The following PCDH9 variants were observed in gnomAD, a reference collection of about 807,000 sequenced individuals.
PCDH9 encodes the protein protocadherin 9, also known as protocadherin-9.
Under a neutral mutation model 70.6 loss-of-function variants are expected in PCDH9, and 24 were observed. The ratio of observed to expected loss-of-function variants is 0.34; its 90% CI spans 0.25 to 0.48. The LOEUF is 0.48. Among genes scored for constraint, PCDH9 ranks in the 20% least tolerant of loss-of-function variants. PCDH9 has a pLI of 0.99. For missense variants in PCDH9, 1,281 were observed against 1,503.6 expected, an observed-to-expected ratio of 0.85 and a Z score of 2.45; for synonymous variants, 562 against 558.5, an observed-to-expected ratio of 1.01 and a Z score of -0.09.
chr13:66,471,965 C>T (rs2138483848), intron 4 of PCDH9, among the ~76,000 whole-genome samples: 1 of 152,154 alleles, frequency 6.6e-6, no homozygotes, highest in East Asian at 1.9e-4. Context: ...AAACCTAGCA[C>T]TTTGGGAGGC....
At chr13:66,394,863 T>C (rs1199909291) in intron 4 of PCDH9, among the ~76,000 whole-genome samples, 2 of 152,148 alleles carry the variant, frequency 1.3e-5, no homozygotes, top group African/African-American at 2.4e-5. Context: ...TGCAGCTGCT[T>C]GACAACTAAA....
chr13:66,664,641 A>G (rs181699709), intron 3 of PCDH9, among the ~76,000 whole-genome samples: 3 of 152,268 alleles, frequency 2.0e-5, no homozygotes, highest in African/African-American at 7.2e-5. Context: ...AAAATGGAAA[A>G]CGTGACTTAT....
intron 2 of PCDH9, among the ~76,000 whole-genome samples, chr13:67,058,418 A>C (rs2085465404): frequency 6.6e-6 from 1 of 152,100 alleles, no homozygotes; most frequent in African/African-American, 2.4e-5. Flanking sequence ...TGTGAATTTA[A>C]ACCCAATCTC....
Position 66,846,136 on chromosome 13 carries a change from CA to C in PCDH9, c.3138+57367del, listed in dbSNP as rs56199120. Among the ~76,000 whole-genome samples the C allele has an allele frequency of 1.6e-3, 219 of 134,484 alleles. 2 individuals carry two copies. Among genetic ancestry groups the C allele is most frequent in the Admixed American group, 2.8e-3 (37 of 13,414 alleles). The allele number at this position is 134,484 out of a possible 152,430, so 88.2% of individuals were successfully genotyped here. A position where few individuals can be genotyped will look rare whatever the true frequency, so the allele number is the denominator to read the frequency against. On this transcript the variant is annotated intron_variant, in intron 3 of 4. Coordinates refer to ENST00000377865, the MANE Select transcript of PCDH9 (RefSeq NM_203487.3). The stretch of plus-strand genomic sequence containing the variant: ...AGATAATGCAGGGGGAAAAAAAGAC[CA>C]AAAAAAAAAAAAAAACAGCTTATAT...
At chr13:66,638,764 C>G (rs766717094) in intron 3 of PCDH9, among the ~76,000 whole-genome samples, 1 of 152,046 alleles carries the variant, frequency 6.6e-6, no homozygotes, top group African/African-American at 2.4e-5. Context: ...AGAGTAGAAA[C>G]GAAATATTAT....
intron 4 of PCDH9, among the ~76,000 whole-genome samples, chr13:66,393,712 G>A (rs1037977195): frequency 1.3e-5 from 2 of 152,190 alleles, no homozygotes; most frequent in Non-Finnish European, 2.9e-5. Context: ...TTTCAGGATA[G>A]TGAAAGAAAG....
intron 4 of PCDH9, among the ~76,000 whole-genome samples, chr13:66,408,228 T>C (rs1957315537): frequency 6.6e-6 from 1 of 151,872 alleles, no homozygotes; most frequent in Non-Finnish European, 1.5e-5. Context: ...CCGGCTAATT[T>C]TTTGTATTTT....
At chr13:66,572,673 G>A (rs1205813927) in intron 4 of PCDH9, among the ~76,000 whole-genome samples, 5 of 152,136 alleles carry the variant, frequency 3.3e-5, no homozygotes, top group African/African-American at 1.2e-4. Flanking sequence ...CAATAAACAT[G>A]GGAGTGCAGA....
At chr13:66,675,450 A>G (rs1249250977) in intron 3 of PCDH9, among the ~76,000 whole-genome samples, 1 of 152,134 alleles carries the variant, frequency 6.6e-6, no homozygotes, top group Non-Finnish European at 1.5e-5. Flanking sequence ...TTTGTGAATT[A>G]TTGCATGTTT....
At chr13:66,490,794 A>G (rs1027634078) in intron 4 of PCDH9, among the ~76,000 whole-genome samples, 6 of 152,186 alleles carry the variant, frequency 3.9e-5, no homozygotes, top group African/African-American at 9.6e-5. Flanking sequence ...AAGCTAAACA[A>G]TTAAAATCTC....
At chr13:66,449,275 AAT>A (rs1272754571) in intron 4 of PCDH9, among the ~76,000 whole-genome samples, 2 of 152,208 alleles carry the variant, frequency 1.3e-5, no homozygotes, top group African/African-American at 4.8e-5. Context: ...AGTGAAACTG[AAT>A]ATCATTTCAG....
intron 3 of PCDH9, among the ~76,000 whole-genome samples, chr13:66,777,442 C>A: frequency 6.6e-6 from 1 of 151,944 alleles, no homozygotes; most frequent in Admixed American, 6.6e-5. Context: ...AAGAAAAAAA[C>A]AAACAACCCC....
chr13:67,038,683 TTATGCTAG>T (rs1347444600), intron 2 of PCDH9, among the ~76,000 whole-genome samples: 1 of 152,196 alleles, frequency 6.6e-6, no homozygotes, highest in African/African-American at 2.4e-5. Flanking sequence ...TATTGTGATA[TTATGCTAG>T]AATAAGTAAT....
chr13:66,380,786 A>G (rs931103785), intron 4 of PCDH9, among the ~76,000 whole-genome samples: 1 of 151,746 alleles, frequency 6.6e-6, no homozygotes, highest in Non-Finnish European at 1.5e-5. Context: ...CTCGTGATCC[A>G]CCCGCCTCGG....
At chr13:66,660,280 T>C (rs1225939803) in intron 3 of PCDH9, among the ~76,000 whole-genome samples, 4 of 152,208 alleles carry the variant, frequency 2.6e-5, no homozygotes, top group African/African-American at 9.7e-5. Flanking sequence ...TCACAGTATA[T>C]GGTGAGATCT....
At chr13:67,195,281 A>G (rs1350924791) in intron 2 of PCDH9, among the ~76,000 whole-genome samples, 1 of 151,866 alleles carries the variant, frequency 6.6e-6, no homozygotes, top group African/African-American at 2.4e-5. Flanking sequence ...AGCAGCTGGG[A>G]CTACAGGCGC....
chr13:66,622,294 C>T (rs959017387), intron 4 of PCDH9, among the ~76,000 whole-genome samples: 4 of 152,320 alleles, frequency 2.6e-5, no homozygotes, highest in East Asian at 1.9e-4. Context: ...TGCTCCACGG[C>T]GCCCAGTCCC....
At position 67,228,223 on chromosome 13, in the gene PCDH9, G is replaced by T. The variant is rs201671728; in HGVS notation, c.218C>A (p.Ala73Asp). The change falls in exon 2 of 5, where the codon GCC becomes GAC. Residue 73 changes from alanine to aspartate, a missense_variant. Ala to Asp is a moderately radical substitution (Grantham distance 126). Coordinates refer to ENST00000377865, the MANE Select transcript of PCDH9 (RefSeq NM_203487.3). ...VYRLVSKAGD[A>D]PLVKVSSSTG... The stretch of plus-strand genomic sequence containing the variant: ...GCTGCTGGAAACTTTCACCAAAGGG[G>T]CATCCCCAGCTTTAGAAACCAGTCT... The T allele has an allele frequency of 6.2e-7, 1 of 1,612,380 alleles. No individual in the cohort carries two copies. Among genetic ancestry groups the T allele is most frequent in the East Asian group, 2.2e-5 (1 of 44,854 alleles).
chr13:66,342,763 C>T (rs1593830697), intron 4 of PCDH9, among the ~76,000 whole-genome samples: 1 of 149,176 alleles, frequency 6.7e-6, no homozygotes, highest in East Asian at 2.0e-4. Context: ...GCTCCCGCCA[C>T]CACATCCGGC....
Sources: allele counts gnomAD v4.1 joint callset (sites outside exome capture counted in the v4.1 genomes callset), GRCh38; gene constraint gnomAD v4.1.1; transcripts MANE v1.5; gene names NCBI Gene and HGNC (gene_info 2026-07-23, HGNC 2026-07-21).